Variants in ADAMTSL1 observed in about 807,000 individuals in gnomAD.
The protein encoded by ADAMTSL1 is ADAMTS-like protein 1.
A neutral mutation model predicts 201.8 loss-of-function variants in ADAMTSL1; 126 were observed. The observed-to-expected ratio is 0.62, with a 90% confidence interval of 0.54 to 0.72. ADAMTSL1 has a LOEUF of 0.72. Among genes scored for constraint, ADAMTSL1 ranks in the 30% least tolerant of loss-of-function variants. The pLI is 0.00. For missense variants in ADAMTSL1, 2,679 were observed against 2,277.8 expected (o/e 1.18, Z -3.59); for synonymous variants, 1,121 against 903.4 (o/e 1.24, Z -4.32).
At chr9:18,709,475 A>G (rs1234378981) in intron 14 of ADAMTSL1, among the ~76,000 whole-genome samples, 1 of 152,198 alleles carries the variant, frequency 6.6e-6, no homozygotes, top group Non-Finnish European at 1.5e-5. Context: ...CAAGAGATGA[A>G]ATTGGATAGA....
At chr9:18,644,747 A>G (rs1024764247) in intron 7 of ADAMTSL1, among the ~76,000 whole-genome samples, 1 of 152,140 alleles carries the variant, frequency 6.6e-6, no homozygotes, top group East Asian at 1.9e-4. Context: ...ATAGTATTCC[A>G]TGGTGTATAT....
intron 2 of ADAMTSL1, among the ~76,000 whole-genome samples, chr9:18,265,126 A>G (rs1832072371): frequency 6.6e-6 from 1 of 152,174 alleles, no homozygotes; most frequent in Non-Finnish European, 1.5e-5. Flanking sequence ...GGCACTTTAA[A>G]TTCTAGAGCT....
At chr9:18,083,043 A>C (rs577065565) in intron 1 of ADAMTSL1, among the ~76,000 whole-genome samples, 1 of 152,238 alleles carries the variant, frequency 6.6e-6, no homozygotes, top group Non-Finnish European at 1.5e-5. Flanking sequence ...TAAGTGGAAA[A>C]ATTAAAAGTG....
Position 18,853,105 on chromosome 9 carries a change from G to A in ADAMTSL1, c.4249+23128G>A, listed in dbSNP as rs1023424136. On this transcript the variant is annotated intron_variant, in intron 23 of 28. Transcript: ENST00000380548. Reference sequence around the variant, plus strand: ...TCCTGGAGAGTGCTGTTCATAAAATGCAATGACCTCATGGCATCTGAGTAG... The same window carrying A: ...TCCTGGAGAGTGCTGTTCATAAAATACAATGACCTCATGGCATCTGAGTAG... Among the ~76,000 whole-genome samples, 7 of 152,268 alleles carry A rather than the reference G, an allele frequency of 4.6e-5. No homozygotes were observed. In the East Asian group the frequency reaches 1.4e-3, roughly 29 times the overall value.
At chr9:18,769,720 C>T (rs927679719) in intron 16 of ADAMTSL1, among the ~76,000 whole-genome samples, 1 of 152,188 alleles carries the variant, frequency 6.6e-6, no homozygotes, top group African/African-American at 2.4e-5. Flanking sequence ...CCTGAAAGCA[C>T]ACACAACCCT....
Position 18,307,793 on chromosome 9 carries a change from G to T in ADAMTSL1, c.207+143812G>T, listed in dbSNP as rs369405617. On this transcript the variant is annotated intron_variant, in intron 2 of 29. Coordinates refer to the ADAMTSL1 transcript ENST00000680146. ...CAATATTACACAGATCAATGAGACA[G>T]AAAATTAACAAGGATATTTAGGACT... Among the ~76,000 whole-genome samples, 585 of 152,232 alleles carry T rather than the reference G, an allele frequency of 3.8e-3. 3 individuals are homozygous for T. The highest frequency in any genetic ancestry group is 0.013 in the African/African-American group (560 of 41,556).
intron 1 of ADAMTSL1, among the ~76,000 whole-genome samples, chr9:18,104,555 G>A (rs1202168408): frequency 6.6e-6 from 1 of 152,138 alleles, no homozygotes; most frequent in African/African-American, 2.4e-5. Flanking sequence ...CGTGGACATA[G>A]AGAGTGGAAA....
At chr9:18,322,250 TAATAAA>T (rs1834652140) in intron 2 of ADAMTSL1, among the ~76,000 whole-genome samples, 1 of 151,960 alleles carries the variant, frequency 6.6e-6, no homozygotes, top group South Asian at 2.1e-4. Flanking sequence ...TAGAAGGAAA[TAATAAA>T]AATAAGAGCT....
intron 19 of ADAMTSL1, among the ~76,000 whole-genome samples, chr9:18,794,938 G>A (rs1327996191): frequency 1.3e-5 from 2 of 152,146 alleles, no homozygotes; most frequent in Non-Finnish European, 2.9e-5. Flanking sequence ...CATGGTGTCT[G>A]GCCAAGATGT....
intron 2 of ADAMTSL1, among the ~76,000 whole-genome samples, chr9:18,407,154 T>C (rs560396009): frequency 5.9e-5 from 9 of 152,282 alleles, no homozygotes; most frequent in African/African-American, 2.2e-4. Context: ...TTAAAGTCTA[T>C]ACAAAGTGCA....
rs575133472 is a variant in ADAMTSL1 at position 18,182,054 on chromosome 9, C to G, written c.207+18073C>G. On this transcript the variant is annotated intron_variant, in intron 2 of 29. Transcript: ENST00000680146. Reference sequence around the variant, plus strand: ...ATTGCAAGAACAAAAAACCAAACACCGCATATTCTCACTCATAGGTGGGAA... The same window carrying G: ...ATTGCAAGAACAAAAAACCAAACACGGCATATTCTCACTCATAGGTGGGAA... Among the ~76,000 whole-genome samples the G allele has an allele frequency of 5.3e-5, 8 of 150,188 alleles. No homozygotes were observed. The Admixed American group carries it at 5.4e-4, about 10-fold the overall frequency.
chr9:18,365,011 G>C (rs564886870), intron 2 of ADAMTSL1, among the ~76,000 whole-genome samples: 1 of 151,976 alleles, frequency 6.6e-6, no homozygotes, highest in Non-Finnish European at 1.5e-5. Flanking sequence ...AGATTGAGTG[G>C]GGACACAGAA....
At chr9:18,796,592 T>G (rs1822436511) in intron 20 of ADAMTSL1, 1 of 152,240 alleles carries the variant, frequency 6.6e-6, no homozygotes, top group Admixed American at 6.5e-5. Flanking sequence ...GCAACAGTAT[T>G]CCTGCCCCCA....
At chr9:18,074,849 C>T (rs1200781363) in intron 1 of ADAMTSL1, among the ~76,000 whole-genome samples, 2 of 152,144 alleles carry the variant, frequency 1.3e-5, no homozygotes, top group African/African-American at 4.8e-5. Flanking sequence ...CCTCAGCCTC[C>T]TGAAGTGCTG....
At chr9:18,634,901 A>G (rs1435156839) in intron 5 of ADAMTSL1, among the ~76,000 whole-genome samples, 1 of 114,268 alleles carries the variant, frequency 8.8e-6, no homozygotes, top group Non-Finnish European at 1.8e-5. Flanking sequence ...GTATGTAAAT[A>G]TATATTTAAT....
At chr9:18,399,598 G>T (rs532624567) in intron 2 of ADAMTSL1, among the ~76,000 whole-genome samples, 2 of 151,436 alleles carry the variant, frequency 1.3e-5, no homozygotes, top group African/African-American at 4.9e-5. Flanking sequence ...TGATCTACCC[G>T]CCTCGGCCTC....
chr9:18,688,118 G>GTATA (rs71333061), intron 13 of ADAMTSL1, among the ~76,000 whole-genome samples: 2,346 of 142,536 alleles, frequency 0.016, 26 homozygotes, highest in East Asian at 0.027. Context: ...ATGTATGTAT[G>GTATA]TATATATATA....
At chr9:18,460,541 C>T (rs952918500) in intron 2 of ADAMTSL1, among the ~76,000 whole-genome samples, 2 of 152,040 alleles carry the variant, frequency 1.3e-5, no homozygotes, top group African/African-American at 4.8e-5. Flanking sequence ...TTTTGTGATG[C>T]CTGTGTTGTA....
chr9:18,681,743 G>A (rs72688674), intron 11 of ADAMTSL1, 69 bp from the exon 12 acceptor site: 7 of 1,210,328 alleles, frequency 5.8e-6, no homozygotes, highest in Middle Eastern at 2.2e-4. Context: ...AAAAGTTTTC[G>A]ATGGGAAGTG....
Sources: allele counts gnomAD v4.1 joint callset (sites outside exome capture counted in the v4.1 genomes callset), GRCh38; gene constraint gnomAD v4.1.1; transcripts MANE v1.5; gene names NCBI Gene and HGNC (gene_info 2026-07-23, HGNC 2026-07-21).